PABPN1: variants seen among roughly 807,000 people sequenced by gnomAD.
PABPN1 encodes polyadenylate-binding protein 2.
Under a neutral mutation model 33.4 loss-of-function variants are expected in PABPN1, and 5 were observed. The ratio of observed to expected loss-of-function variants is 0.15; its 90% CI spans 0.08 to 0.32. The LOEUF (loss-of-function observed/expected upper bound fraction) is 0.32. PABPN1 is among the 10% of genes least tolerant of loss of function. The pLI is 1.00. For synonymous variants in PABPN1, 176 were observed against 170.6 expected, an observed-to-expected ratio of 1.03 and a Z score of -0.25; for missense variants, 312 against 425.8, an observed-to-expected ratio of 0.73 and a Z score of 2.35.
At position 23,324,197 on chromosome 14, in the gene PABPN1, A is replaced by G. The variant is rs1308935308; in HGVS notation, c.789A>G (p.Arg263=). The stretch of plus-strand genomic sequence containing the variant: ...GCACAACAGACCGGGGTTTTCCACG[A>G]GCCCGCTACCGCGCCCGGACCACCA... ...GISTTDRGFP[R]ARYRARTTNY... The change falls in exon 6 of 7, where the codon CGA becomes CGG. Residue 263 remains arginine, a synonymous_variant. Transcript: ENST00000216727. 1.9e-6 allele frequency: 3 copies of G among 1,614,206 alleles called. No homozygotes were observed. Among genetic ancestry groups the G allele is most frequent in the Non-Finnish European group, 2.5e-6 (3 of 1,180,038 alleles).
At chr14:23,321,903 A>C in intron 1 of PABPN1, 83 bp downstream of exon 1, 2 of 266,564 alleles carry the variant, frequency 7.5e-6, no homozygotes, top group Non-Finnish European at 1.3e-5. Flanking sequence ...AGCGGGTGGC[A>C]GGCGGGGGGT....
At chr14:23,324,522 A>G (rs1469480190) in intron 6 of PABPN1, 9 of 609,490 alleles carry the variant, frequency 1.5e-5, no homozygotes, top group Non-Finnish European at 2.3e-5. Context: ...CCCTTGGTTC[A>G]AAGAGGCTTC....
At chr14:23,325,156 C>T in intron 6 of PABPN1, 91 bp from the exon 7 acceptor site, 2 of 1,559,396 alleles carry the variant, frequency 1.3e-6, no homozygotes, top group Non-Finnish European at 8.8e-7. Context: ...CCCTTCCCTT[C>T]ACAGTAACTG....
In PABPN1 at chr14:23,324,068, T is replaced by C. The variant is rs1888538390; in HGVS notation, c.729+16T>C. The C allele has an allele frequency of 6.2e-7, 1 of 1,614,116 alleles. No individual in the cohort carries two copies. The highest frequency in any genetic ancestry group is 1.7e-5 in the Admixed American group (1 of 60,010). On this transcript the variant is annotated intron_variant, in intron 5 of 6. Transcript: ENST00000216727. ...GCAAATCAAGGTAAGCCTATGTCCA[T>C]TGCTGTTCTAGTTGTGTATAAACTC...
At chr14:23,322,344 G>A (rs1186514437) in intron 2 of PABPN1, 49 bp downstream of exon 2, 1 of 1,519,018 alleles carries the variant, frequency 6.6e-7, no homozygotes, top group Non-Finnish European at 9.0e-7. Flanking sequence ...GGGTTGGAAG[G>A]GTTGTGGGGA....
chr14:23,325,216 G>GT, intron 6 of PABPN1, 31 bp from the exon 7 acceptor site: 1 of 1,613,410 alleles, frequency 6.2e-7, no homozygotes, highest in South Asian at 1.1e-5. Flanking sequence ...TAGTGATCAC[G>GT]TTAACACCTA....
intron 1 of PABPN1, 59 bp from the exon 2 acceptor site, chr14:23,322,122 C>G (rs986617121): frequency 6.7e-7 from 1 of 1,502,970 alleles, no homozygotes; most frequent in Non-Finnish European, 9.1e-7. Context: ...GAGAGCAGGG[C>G]ACAGCCCCTG....
chr14:23,325,477 TAGGGG>T lies in PABPN1; in HGVS notation c.*193_*197del. On this transcript the variant is annotated 3_prime_UTR_variant, in exon 7 of 7. Coordinates refer to ENST00000216727, the MANE Select transcript of PABPN1 (RefSeq NM_004643.4). ...CTGAGGAGGGACCTGCTTTGGGGAG[TAGGGG>T]AAGGCCCAGGGAGTGGGGCAGGGGG... 5.5e-6 allele frequency: 4 copies of T among 723,660 alleles called. No individual in the cohort carries two copies. In the South Asian group the frequency reaches 8.2e-5, roughly 15 times the overall value. 44.8% of individuals were successfully genotyped at this position (723,660 alleles called of 1,614,324 possible).
intron 1 of PABPN1, 46 bp downstream of exon 1, chr14:23,321,866 G>A: frequency 7.4e-7 from 1 of 1,350,858 alleles, no homozygotes; most frequent in Non-Finnish European, 9.9e-7. Context: ...TGGCCGGCCG[G>A]GTCACTGGAG....
chr14:23,324,440 T>TG, intron 6 of PABPN1, 151 bp downstream of exon 6: 1 of 1,079,234 alleles, frequency 9.3e-7, no homozygotes, highest in Non-Finnish European at 1.4e-6. Flanking sequence ...GGAAGGTAGT[T>TG]GCAGGCCAGG....
Position 23,325,451 on chromosome 14 carries a change from G to C in PABPN1, c.*165G>C. Reference sequence around the variant, plus strand: ...AGGGGGGAGAATCCCATAACTAACTGCTGAGGAGGGACCTGCTTTGGGGAG... The same window carrying C: ...AGGGGGGAGAATCCCATAACTAACTCCTGAGGAGGGACCTGCTTTGGGGAG... On this transcript the variant is annotated 3_prime_UTR_variant, in exon 7 of 7. Transcript: ENST00000216727. 1.1e-6 allele frequency: 1 copy of C among 911,886 alleles called. No homozygotes were observed. Among genetic ancestry groups the C allele is most frequent in the Non-Finnish European group, 1.6e-6 (1 of 625,616 alleles). The allele number at this position is 911,886 out of a possible 1,614,324, so 56.5% of individuals were successfully genotyped here.
rs749040116 is a variant in PABPN1 at position 23,323,988 on chromosome 14, A to G, written c.665A>G (p.Asp222Gly). Reference protein sequence around the residue: ...PKGFAYIEFSDKESVRTSLAL... With the variant: ...PKGFAYIEFSGKESVRTSLAL... ...AGGTTTGCGTATATAGAGTTCTCAGACAAAGAGTCAGTGAGGACTTCCTTG... is the reference window on the plus strand; with the variant it reads ...AGGTTTGCGTATATAGAGTTCTCAGGCAAAGAGTCAGTGAGGACTTCCTTG... Residue 222 changes from aspartate to glycine, a missense_variant, in exon 5 of 7, where the codon GAC becomes GGC. Coordinates refer to ENST00000216727, the MANE Select transcript of PABPN1 (RefSeq NM_004643.4). 1.2e-6 allele frequency: 2 copies of G among 1,614,084 alleles called. No homozygotes were observed. Among genetic ancestry groups the G allele is most frequent in the Non-Finnish European group, 8.5e-7 (1 of 1,180,042 alleles).
chr14:23,323,700 A>G (rs1888504644), intron 4 of PABPN1, among the ~76,000 whole-genome samples: 1 of 152,234 alleles, frequency 6.6e-6, no homozygotes. Context: ...ATTACGAACT[A>G]GAAGGGGAGG....
At chr14:23,321,889 G>C in intron 1 of PABPN1, 69 bp downstream of exon 1, 1 of 1,157,076 alleles carries the variant, frequency 8.6e-7, no homozygotes, top group Non-Finnish European at 1.2e-6. Flanking sequence ...CCAGAGCTCG[G>C]GCGAGCGGGT....
Position 23,325,481 on chromosome 14 carries a change from GGAA to G in PABPN1, c.*197_*199del. On this transcript the variant is annotated 3_prime_UTR_variant, in exon 7 of 7. Transcript: ENST00000216727. ...GGAGGGACCTGCTTTGGGGAGTAGG[GGAA>G]GGCCCAGGGAGTGGGGCAGGGGGCT... 1.4e-6 allele frequency: 1 copy of G among 703,374 alleles called. No individual in the cohort carries two copies. The allele number at this position is 703,374 out of a possible 1,614,324, so 43.6% of individuals were successfully genotyped here.
In PABPN1 at chr14:23,325,345, G is replaced by C; in HGVS notation, c.*59G>C. 81 of 1,115,468 alleles carry C rather than the reference G, an allele frequency of 7.3e-5. No individual in the cohort carries two copies. The highest frequency in any genetic ancestry group is 8.4e-5 in the Non-Finnish European group (71 of 850,116). The allele number at this position is 1,115,468 out of a possible 1,614,324, so 69.1% of individuals were successfully genotyped here. A position where few individuals can be genotyped will look rare whatever the true frequency, so the allele number is the denominator to read the frequency against. On this transcript the variant is annotated 3_prime_UTR_variant, in exon 7 of 7. Transcript: ENST00000216727. ...AAAGAGGAAAGAAGGAAAAAAAAAA[G>C]AATTAAAAAAAAAAAAAAGAAAAAC...
rs35455483 is a variant in PABPN1, at chr14:23,325,634, GTT to G, written c.*358_*359del. ...GGTAGGTGGGCGTGGGTGGTAGGAG[GTT>G]TTTTTTTTTACCCAGGGCTCTGGAA... On this transcript the variant is annotated 3_prime_UTR_variant, in exon 7 of 7. Transcript: ENST00000216727. 231 of 208,800 alleles carry G rather than the reference GTT, an allele frequency of 1.1e-3. No individual in the cohort carries two copies. The highest frequency in any genetic ancestry group is 4.3e-3 in the Middle Eastern group (2 of 468). 12.9% of individuals were successfully genotyped at this position (208,800 alleles called of 1,614,324 possible). A position where few individuals can be genotyped will look rare whatever the true frequency, so the allele number is the denominator to read the frequency against.
rs1261029476 is a variant in PABPN1 at position 23,321,722 on chromosome 14, G to A, written c.253G>A (p.Gly85Ser). The change falls in exon 1 of 7, where the codon GGC (glycine) becomes AGC (serine). Residue 85 changes from glycine (G) to serine (S), a missense_variant. Physicochemically the swap from Gly to Ser is moderately conservative, Grantham distance 56. Coordinates refer to ENST00000216727, the MANE Select transcript of PABPN1 (RefSeq NM_004643.4). ...GCCCCGCGCCCCCCCGGGAGCTCCG[G>A]GCCCTGGGCCTGGTTCGGGAGCCCC... ...PRPRAPPGAPGPGPGSGAPGS... is the reference protein window; with the variant it reads ...PRPRAPPGAPSPGPGSGAPGS... 3.2e-6 allele frequency: 5 copies of A among 1,542,218 alleles called. No individual in the cohort carries two copies. The highest frequency in any genetic ancestry group is 4.4e-6 in the Non-Finnish European group (5 of 1,143,970).
At position 23,323,072 on chromosome 14, in the gene PABPN1, T is replaced by C. The variant is rs1440583945; in HGVS notation, c.534+6T>C. The C allele has an allele frequency of 3.1e-6, 5 of 1,614,160 alleles. No individual in the cohort carries two copies. In the Admixed American group the frequency reaches 6.7e-5, roughly 22 times the overall value. Reference sequence around the variant, plus strand: ...GTTCCATCTATGTTGGCAATGTACGTACTGGGGCTCTGACTGGGGTTGGGG... The same window carrying C: ...GTTCCATCTATGTTGGCAATGTACGCACTGGGGCTCTGACTGGGGTTGGGG... On this transcript the variant is annotated splice_donor_region_variant and intron_variant, in intron 3 of 6. Coordinates refer to ENST00000216727, the MANE Select transcript of PABPN1 (RefSeq NM_004643.4).
Sources: allele counts gnomAD v4.1 joint callset (sites outside exome capture counted in the v4.1 genomes callset), GRCh38; gene constraint gnomAD v4.1.1; transcripts MANE v1.5; gene names NCBI Gene and HGNC (gene_info 2026-07-23, HGNC 2026-07-21).